ITIH5: variants seen among roughly 807,000 people sequenced by gnomAD.
ITIH5 encodes the protein inter-alpha-trypsin inhibitor heavy chain 5, also known as inter-alpha-trypsin inhibitor heavy chain H5.
In ITIH5, 65 loss-of-function variants were observed where a neutral mutation model predicts 77.5. The observed-to-expected ratio is 0.84, with a 90% CI of 0.69 to 1.03. The LOEUF is 1.03. Among genes scored for constraint, ITIH5 ranks in the 50% least tolerant of loss-of-function variants. The pLI, the probability that ITIH5 is intolerant of heterozygous loss-of-function variation, is 0.00. For synonymous variants in ITIH5, 525 were observed against 494.3 expected (o/e 1.06, Z -0.82); for missense variants, 1,208 against 1,213.1 (o/e 1.00, Z 0.06).
intron 9 of ITIH5, among the ~76,000 whole-genome samples, 185 bp from the exon 10 acceptor site, chr10:7,577,197 G>T (rs779063723): frequency 3.3e-5 from 5 of 152,100 alleles, no homozygotes; most frequent in Non-Finnish European, 5.9e-5. Flanking sequence ...GAACACCATT[G>T]GTGAGAGGGA....
intron 7 of ITIH5, among the ~76,000 whole-genome samples, chr10:7,592,236 G>T (rs1287306728): frequency 6.6e-6 from 1 of 152,154 alleles, no homozygotes; most frequent in Non-Finnish European, 1.5e-5. Context: ...CTGGCACATA[G>T]GAGATGCTTG....
At chr10:7,597,724 C>T (rs1832934858) in intron 7 of ITIH5, among the ~76,000 whole-genome samples, 1 of 152,162 alleles carries the variant, frequency 6.6e-6, no homozygotes, top group Non-Finnish European at 1.5e-5. Flanking sequence ...CAAGGGATGT[C>T]CCCAGGCTCT....
chr10:7,657,500 T>C (rs1834208260), intron 1 of ITIH5, among the ~76,000 whole-genome samples: 1 of 151,248 alleles, frequency 6.6e-6, no homozygotes, highest in African/African-American at 2.4e-5. Context: ...CAAAAGAAAA[T>C]TCTTGGAAAC....
chr10:7,571,958 G>A (rs768365582), intron 11 of ITIH5: 50 of 989,760 alleles, frequency 5.1e-5, no homozygotes, highest in Non-Finnish European at 5.8e-5. Context: ...AGTTTTCTGA[G>A]AGTTTCTATG....
At chr10:7,612,964 G>A (rs575178335) in intron 7 of ITIH5, among the ~76,000 whole-genome samples, 10 of 152,304 alleles carry the variant, frequency 6.6e-5, no homozygotes, top group Non-Finnish European at 1.0e-4. Flanking sequence ...AGTACACAGG[G>A]CCGGGCGCGG....
At chr10:7,644,545 T>TG (rs1249505169) in intron 2 of ITIH5, among the ~76,000 whole-genome samples, 1 of 121,330 alleles carries the variant, frequency 8.2e-6, no homozygotes, top group African/African-American at 3.4e-5. Flanking sequence ...ATCACATATA[T>TG]ATGATATATC....
intron 7 of ITIH5, among the ~76,000 whole-genome samples, chr10:7,596,002 C>T (rs144916247): frequency 2.0e-5 from 3 of 152,124 alleles, no homozygotes; most frequent in Non-Finnish European, 4.4e-5. Flanking sequence ...AGCGAGACTC[C>T]GTCTAAATTA....
chr10:7,567,283 A>G (rs1410948172), intron 12 of ITIH5, among the ~76,000 whole-genome samples: 1 of 151,468 alleles, frequency 6.6e-6, no homozygotes, highest in Non-Finnish European at 1.5e-5. Flanking sequence ...CATATTTTGT[A>G]CCTACCAGAG....
intron 8 of ITIH5, among the ~76,000 whole-genome samples, chr10:7,583,078 T>C (rs1003566515): frequency 1.3e-5 from 2 of 152,168 alleles, no homozygotes; most frequent in African/African-American, 4.8e-5. Context: ...TATGCCTGTA[T>C]CAAAATACCT....
chr10:7,618,286 A>T (rs1308898168), intron 5 of ITIH5: 2 of 152,128 alleles, frequency 1.3e-5, no homozygotes, highest in African/African-American at 2.4e-5. Context: ...CATTAAAAAA[A>T]AAAAAATTCT....
intron 7 of ITIH5, 68 bp from the exon 8 acceptor site, chr10:7,586,137 A>AC: frequency 7.2e-7 from 1 of 1,390,242 alleles, no homozygotes; most frequent in Non-Finnish European, 9.7e-7. Flanking sequence ...CTGTTCTAGA[A>AC]ACCGCCCCCG....
rs537289235 is a variant in ITIH5 at position 7,566,620 on chromosome 10, C to T, written c.2150-213G>A. On this transcript the variant is annotated intron_variant, in intron 12 of 13. Coordinates refer to ENST00000397146, the MANE Select transcript of ITIH5 (RefSeq NM_030569.7). ...CAAGCCTGTAGTCCCAGCTAGTTCA[C>T]TTGAGCCCAGGAGTTCCCTTGAGGC... Among the ~76,000 whole-genome samples the T allele has an allele frequency of 7.8e-4, 117 of 149,430 alleles. 1 individual carries two copies. Among genetic ancestry groups the T allele is most frequent in the Admixed American group, 2.6e-3 (39 of 14,858 alleles).
chr10:7,573,001 C>T (rs2130950396), intron 11 of ITIH5, 141 bp downstream of exon 11: 2 of 697,876 alleles, frequency 2.9e-6, no homozygotes, highest in Non-Finnish European at 5.0e-6. Context: ...TGGTCTTGAA[C>T]TCCTGACCTC....
At chr10:7,653,753 G>A (rs1403164944) in intron 2 of ITIH5, among the ~76,000 whole-genome samples, 5 of 152,122 alleles carry the variant, frequency 3.3e-5, no homozygotes, top group Non-Finnish European at 7.4e-5. Flanking sequence ...ACACTGAACT[G>A]GACTCAAATC....
chr10:7,634,474 G>A (rs992382046), intron 5 of ITIH5, among the ~76,000 whole-genome samples: 1 of 152,140 alleles, frequency 6.6e-6, no homozygotes. Flanking sequence ...GTTCTGGACG[G>A]CAAAGTATCT....
intron 5 of ITIH5, among the ~76,000 whole-genome samples, chr10:7,625,552 G>C (rs1311977987): frequency 1.3e-5 from 2 of 152,258 alleles, no homozygotes; most frequent in East Asian, 3.9e-4. Context: ...ATCACTTGAT[G>C]TCAGGAGTTC....
At chr10:7,599,924 G>A (rs973011460) in intron 7 of ITIH5, among the ~76,000 whole-genome samples, 6 of 152,152 alleles carry the variant, frequency 3.9e-5, no homozygotes, top group Non-Finnish European at 8.8e-5. Context: ...GACTGGAGAC[G>A]GAGATTTCTG....
In ITIH5 at chr10:7,649,598, T is replaced by C. The variant is rs575348558; in HGVS notation, c.135+6033A>G. 9.9e-5 allele frequency among the ~76,000 whole-genome samples: 15 copies of C among 152,276 alleles called. 1 individual carries two copies. Among genetic ancestry groups the C allele is most frequent in the African/African-American group, 3.4e-4 (14 of 41,554 alleles). On this transcript the variant is annotated intron_variant, in intron 2 of 13. Coordinates refer to ENST00000397146, the MANE Select transcript of ITIH5 (RefSeq NM_030569.7). ...GACCTTCCAGTGTTGAGAAGAAAGA[T>C]AAATCAGTGAGGTCTGCAAAAGTAA...
intron 5 of ITIH5, among the ~76,000 whole-genome samples, chr10:7,635,363 G>A (rs574983743): frequency 4.6e-5 from 7 of 152,326 alleles, no homozygotes; most frequent in Non-Finnish European, 8.8e-5. Flanking sequence ...TTTCCCAGAT[G>A]TGCAAGCCAA....
Sources: gnomAD v4.1 joint callset for allele counts (sites outside exome capture counted in the v4.1 genomes callset) on GRCh38, gnomAD v4.1.1 for gene constraint, MANE v1.5 for transcripts, NCBI Gene and HGNC (gene_info 2026-07-23, HGNC 2026-07-21) for gene names.